ENTREP2: variants seen among roughly 807,000 people sequenced by gnomAD.
ENTREP2 encodes protein ENTREP2.
the ENTREP2 span, among the ~76,000 whole-genome samples, chr15:29,331,474 G>A: frequency 2.0e-5 from 3 of 152,144 alleles, no homozygotes; most frequent in Non-Finnish European, 4.4e-5. Context: ...CCTTGGCACT[G>A]ATGCTCAAAA....
the ENTREP2 span, among the ~76,000 whole-genome samples, chr15:29,495,102 T>C: frequency 6.6e-6 from 1 of 152,228 alleles, no homozygotes; most frequent in Non-Finnish European, 1.5e-5. Flanking sequence ...CTATAATTTT[T>C]TGAGGAACCT....
the ENTREP2 span, among the ~76,000 whole-genome samples, chr15:29,507,168 A>T: frequency 2.6e-5 from 4 of 152,222 alleles, no homozygotes; most frequent in South Asian, 8.3e-4. Context: ...CAAGAGGATT[A>T]CATAATGGTA....
At chr15:29,674,028 C>G in the ENTREP2 span, among the ~76,000 whole-genome samples, 1 of 150,124 alleles carries the variant, frequency 6.7e-6, no homozygotes, top group Admixed American at 6.7e-5. Context: ...CCCCATTTCT[C>G]TAGTGGATCA....
chr15:29,662,839 G>A, the ENTREP2 span, among the ~76,000 whole-genome samples: 78 of 151,958 alleles, frequency 5.1e-4, no homozygotes, highest in Non-Finnish European at 6.3e-4. Flanking sequence ...TCCTGCCTCC[G>A]CCTCCTGAGT....
chr15:29,361,878 C>G, the ENTREP2 span, among the ~76,000 whole-genome samples: 1 of 152,342 alleles, frequency 6.6e-6, no homozygotes, highest in South Asian at 2.1e-4. Flanking sequence ...AAATTCTTCC[C>G]CTCTTCTGGA....
the ENTREP2 span, among the ~76,000 whole-genome samples, chr15:29,527,611 C>G: frequency 6.6e-6 from 1 of 152,132 alleles, no homozygotes; most frequent in Non-Finnish European, 1.5e-5. Flanking sequence ...ACTTCCTCCC[C>G]AGGGCACAAA....
chr15:29,504,844 T>C, the ENTREP2 span, among the ~76,000 whole-genome samples: 1 of 152,230 alleles, frequency 6.6e-6, no homozygotes, highest in East Asian at 1.9e-4. Context: ...GTGTCTTCCA[T>C]GATGATACCC....
the ENTREP2 span, chr15:29,136,442 T>C: frequency 2.6e-6 from 4 of 1,547,620 alleles, no homozygotes; most frequent in Non-Finnish European, 3.5e-6. Context: ...GCCGGGGCTA[T>C]TGATGGCCAC....
chr15:29,120,537 G>A, the ENTREP2 span: 3 of 152,212 alleles, frequency 2.0e-5, no homozygotes, highest in Non-Finnish European at 2.9e-5. Context: ...CCCCTTCTGC[G>A]ATCTTGCTTG....
chr15:29,338,886 C>T, the ENTREP2 span, among the ~76,000 whole-genome samples: 1 of 109,490 alleles, frequency 9.1e-6, no homozygotes, highest in African/African-American at 2.8e-5. Flanking sequence ...TATTGATTCC[C>T]AGCAAATAAT....
the ENTREP2 span, among the ~76,000 whole-genome samples, chr15:29,466,985 A>G: frequency 1.8e-5 from 2 of 113,786 alleles, no homozygotes; most frequent in Admixed American, 8.8e-5. Context: ...CCCCCAGGGG[A>G]GGGCCCGGGG....
chr15:29,540,257 C>G, the ENTREP2 span, among the ~76,000 whole-genome samples: 16 of 152,196 alleles, frequency 1.1e-4, no homozygotes, highest in Non-Finnish European at 2.4e-4. Flanking sequence ...TACGTTTCAA[C>G]TCTCTTCTCG....
At chr15:29,657,483 C>CGGGGGGGGGGGGGGGGGGGGG in the ENTREP2 span, among the ~76,000 whole-genome samples, 1 of 69,382 alleles carries the variant, frequency 1.4e-5, no homozygotes, top group African/African-American at 6.0e-5. Context: ...GCTGGGGGGG[C>CGGGGGGGGGGGGGGGGGGGGG]GGGGGGGGGG....
At chr15:29,192,876 G>A in the ENTREP2 span, among the ~76,000 whole-genome samples, 1 of 152,134 alleles carries the variant, frequency 6.6e-6, no homozygotes, top group South Asian at 2.1e-4. Flanking sequence ...CAACATCTAA[G>A]CAGACGTAGT....
the ENTREP2 span, among the ~76,000 whole-genome samples, chr15:29,225,295 C>A: frequency 6.6e-6 from 1 of 152,268 alleles, no homozygotes; most frequent in Non-Finnish European, 1.5e-5. Context: ...GGGCTGCCAG[C>A]ATGCTGTCAC....
chr15:29,288,954 T>C, the ENTREP2 span, among the ~76,000 whole-genome samples: 1 of 152,124 alleles, frequency 6.6e-6, no homozygotes, highest in East Asian at 1.9e-4. Context: ...ACGCCTGTAA[T>C]TCCAGAACTT....
the ENTREP2 span, among the ~76,000 whole-genome samples, chr15:29,281,687 G>A: frequency 3.3e-3 from 502 of 152,322 alleles, 4 homozygotes; most frequent in South Asian, 0.015. Context: ...GCCATTTGAC[G>A]TAATAACTTC....
chr15:29,142,807 G>C, the ENTREP2 span, among the ~76,000 whole-genome samples: 6 of 152,198 alleles, frequency 3.9e-5, no homozygotes, highest in East Asian at 1.2e-3. Flanking sequence ...AGCTGGCGAG[G>C]AAGTAAGTGA....
At chr15:29,445,559 A>G in the ENTREP2 span, among the ~76,000 whole-genome samples, 1 of 152,198 alleles carries the variant, frequency 6.6e-6, no homozygotes, top group Non-Finnish European at 1.5e-5. Context: ...TGCTGAGCAC[A>G]TGGAGGTTCC....
Sources: allele counts gnomAD v4.1 joint callset (sites outside exome capture counted in the v4.1 genomes callset), GRCh38; gene constraint gnomAD v4.1.1; transcripts MANE v1.5; gene names NCBI Gene and HGNC (gene_info 2026-07-23, HGNC 2026-07-21).